FBXW7: variants seen among roughly 807,000 people sequenced by gnomAD.
FBXW7 encodes the protein F-box/WD repeat-containing protein 7.
Under a neutral mutation model 86.3 loss-of-function variants are expected in FBXW7, and 11 were observed. The ratio of observed to expected loss-of-function variants is 0.13; its 90% CI spans 0.08 to 0.21. FBXW7 has a LOEUF of 0.21. FBXW7 is among the 10% of genes least tolerant of loss of function. FBXW7 has a pLI of 1.00. For missense variants in FBXW7, 488 were observed against 847.4 expected (o/e 0.58, Z 5.27); for synonymous variants, 313 against 297.9 (o/e 1.05, Z -0.52).
In FBXW7 at chr4:152,534,930, G is replaced by C. The variant is rs905228913; in HGVS notation, c.-120+11C>G. 2.0e-5 allele frequency: 3 copies of C among 152,198 alleles called. No individual in the cohort carries two copies. The highest frequency in any genetic ancestry group is 7.2e-5 in the African/African-American group (3 of 41,440). 9.4% of individuals were successfully genotyped at this position (152,198 alleles called of 1,614,324 possible). A position where few individuals can be genotyped will look rare whatever the true frequency, so the allele number is the denominator to read the frequency against. On this transcript the variant is annotated intron_variant, in intron 2 of 13. Coordinates refer to ENST00000281708, the MANE Select transcript of FBXW7 (RefSeq NM_001349798.2). ...TTCTCCCCCTCAATTCCCTCTCCCGGGGCCACTCACACTTTTAGAAAAGAG... is the reference window on the plus strand; with the variant it reads ...TTCTCCCCCTCAATTCCCTCTCCCGCGGCCACTCACACTTTTAGAAAAGAG...
chr4:152,472,588 A>G (rs1274526542), intron 2 of FBXW7, among the ~76,000 whole-genome samples: 1 of 152,162 alleles, frequency 6.6e-6, no homozygotes, highest in Non-Finnish European at 1.5e-5. Flanking sequence ...ATTCAAAAAA[A>G]AGCCAAGCTA....
chr4:152,517,717 C>G (rs1030307150), intron 2 of FBXW7, among the ~76,000 whole-genome samples: 2 of 152,134 alleles, frequency 1.3e-5, no homozygotes, highest in African/African-American at 4.8e-5. Context: ...ACATGAAGGA[C>G]ACAGAACAGT....
chr4:152,467,949 T>C (rs569342164), intron 2 of FBXW7, among the ~76,000 whole-genome samples: 2 of 152,086 alleles, frequency 1.3e-5, no homozygotes, highest in African/African-American at 4.8e-5. Context: ...AAAGAATGTT[T>C]ACAATATTCA....
intron 2 of FBXW7, among the ~76,000 whole-genome samples, chr4:152,444,430 G>A (rs1012744218): frequency 3.3e-5 from 5 of 152,042 alleles, no homozygotes; most frequent in Non-Finnish European, 5.9e-5. Flanking sequence ...GTCTTCCTGC[G>A]AATCTGAGTA....
intron 6 of FBXW7, among the ~76,000 whole-genome samples, chr4:152,346,083 T>G (rs759495432): frequency 6.6e-6 from 1 of 152,222 alleles, no homozygotes; most frequent in Admixed American, 6.5e-5. Context: ...AAACACTTGA[T>G]GTATATGCAT....
At chr4:152,514,510 T>C (rs551951759) in intron 2 of FBXW7, among the ~76,000 whole-genome samples, 10 of 152,260 alleles carry the variant, frequency 6.6e-5, no homozygotes, top group East Asian at 1.9e-4. Flanking sequence ...AAATCTCAGG[T>C]TGAAATCTGA....
chr4:152,373,655 T>C (rs1344133203), intron 4 of FBXW7, among the ~76,000 whole-genome samples: 1 of 152,070 alleles, frequency 6.6e-6, no homozygotes, highest in African/African-American at 2.4e-5. Context: ...CTTCATGTTT[T>C]AATTCAGGGT....
chr4:152,484,759 C>T (rs913007098), intron 2 of FBXW7, among the ~76,000 whole-genome samples: 3 of 151,976 alleles, frequency 2.0e-5, no homozygotes, highest in African/African-American at 4.8e-5. Context: ...GTCAGGAGTT[C>T]GAGACCAGCC....
In FBXW7 at chr4:152,347,086, AAAAG is replaced by A. The variant is rs768650362; in HGVS notation, c.585-19_585-16del. ...GCCCAGTGGTACTACAAAAAAAAAA[AAAAG>A]AGAGAGAGAAAGGATAAAAGGAAAA... On this transcript the variant is annotated splice_polypyrimidine_tract_variant and intron_variant, in intron 5 of 13. Transcript: ENST00000281708. 84 of 1,586,678 alleles carry A rather than the reference AAAAG, an allele frequency of 5.3e-5. No individual in the cohort carries two copies. In the South Asian group the frequency reaches 8.5e-4, roughly 16 times the overall value.
intron 4 of FBXW7, among the ~76,000 whole-genome samples, chr4:152,356,116 C>T (rs572813787): frequency 2.6e-4 from 39 of 151,886 alleles, no homozygotes; most frequent in Admixed American, 2.2e-3. Flanking sequence ...TCATTATTTC[C>T]GTCTTATATA....
chr4:152,381,191 G>T (rs772700017), intron 4 of FBXW7, among the ~76,000 whole-genome samples: 1 of 152,038 alleles, frequency 6.6e-6, no homozygotes, highest in Admixed American at 6.6e-5. Flanking sequence ...TTTTATGAAG[G>T]TTAAGTTCCA....
chr4:152,407,580 TAGG>T (rs1048099350), intron 4 of FBXW7, among the ~76,000 whole-genome samples: 16 of 152,220 alleles, frequency 1.1e-4, no homozygotes, highest in African/African-American at 3.9e-4. Context: ...GCTCTGGTCC[TAGG>T]AGGTGGTTGG....
chr4:152,324,492 C>A, intron 12 of FBXW7, 98 bp from the exon 13 acceptor site: 1 of 921,864 alleles, frequency 1.1e-6, no homozygotes, highest in East Asian at 2.6e-5. Flanking sequence ...GGATGGGAAA[C>A]AGGTAATGCC....
rs2126877532 is a variant in FBXW7 at position 152,411,402 on chromosome 4, T to A, written c.402A>T (p.Glu134Asp). ...DFDQSDDSSR[E>D]DEHTHTNSVT... ...CACTGTTAGTATGTGTATGTTCATC[T>A]TCTCTGCTACTATCATCAGACTGAT... The change falls in exon 4 of 14, where the codon GAA becomes GAT. Residue 134 changes from glutamate (E) to aspartate (D), a missense_variant. By Grantham distance (45) the Glu-to-Asp change is conservative. This residue lies in a region of FBXW7 where 230 missense variants were observed against 240.0 expected (regional missense o/e 0.96). Transcript: ENST00000281708. The A allele has an allele frequency of 6.2e-7, 1 of 1,613,690 alleles. No homozygotes were observed. The highest frequency in any genetic ancestry group is 8.5e-7 in the Non-Finnish European group (1 of 1,179,848).
chr4:152,520,671 A>G (rs1399348715), intron 2 of FBXW7, among the ~76,000 whole-genome samples: 1 of 152,176 alleles, frequency 6.6e-6, no homozygotes, highest in Non-Finnish European at 1.5e-5. Context: ...ATGATACTAC[A>G]TATTCATCTT....
chr4:152,368,868 T>C (rs1733731747), intron 4 of FBXW7, among the ~76,000 whole-genome samples: 1 of 152,122 alleles, frequency 6.6e-6, no homozygotes, highest in African/African-American at 2.4e-5. Context: ...ATGTCACATA[T>C]GCTTTTCTTC....
intron 2 of FBXW7, among the ~76,000 whole-genome samples, chr4:152,516,161 CA>C (rs1204029478): frequency 6.6e-6 from 1 of 152,150 alleles, no homozygotes; most frequent in Non-Finnish European, 1.5e-5. Context: ...AATTCCTGAC[CA>C]ATAGAAACTG....
At chr4:152,338,037 G>A in intron 6 of FBXW7, 101 bp from the exon 7 acceptor site, 1 of 1,121,728 alleles carries the variant, frequency 8.9e-7, no homozygotes, top group East Asian at 2.8e-5. Context: ...AGTTGATCAG[G>A]GTAGAACTGT....
At chr4:152,497,525 C>T (rs936009645) in intron 2 of FBXW7, among the ~76,000 whole-genome samples, 2 of 151,766 alleles carry the variant, frequency 1.3e-5, no homozygotes, top group Admixed American at 6.6e-5. Context: ...CTAGAATGAT[C>T]AAAAACTATG....
Sources: allele counts gnomAD v4.1 joint callset (sites outside exome capture counted in the v4.1 genomes callset), GRCh38; gene constraint gnomAD v4.1.1; regional missense constraint gnomAD v4.1.1; transcripts MANE v1.5; gene names NCBI Gene and HGNC (gene_info 2026-07-23, HGNC 2026-07-21).